The following MAP3K20 variants were observed in gnomAD, a reference collection of about 807,000 sequenced individuals.
MAP3K20 encodes the protein HCCS-4.
Under a neutral mutation model 85.7 loss-of-function variants are expected in MAP3K20, and 40 were observed. That is an observed-to-expected ratio of 0.47 (90% CI 0.36 to 0.61). The LOEUF is 0.61. Among genes scored for constraint, MAP3K20 ranks in the 20% least tolerant of loss-of-function variants. The pLI, the probability that MAP3K20 is intolerant of heterozygous loss-of-function variation, is 0.00. For synonymous variants in MAP3K20, 325 were observed against 327.7 expected, an observed-to-expected ratio of 0.99 and a Z score of 0.09; for missense variants, 817 against 961.7, an observed-to-expected ratio of 0.85 and a Z score of 1.99.
intron 7 of MAP3K20, among the ~76,000 whole-genome samples, chr2:173,192,130 CA>C (rs1690672207): frequency 6.6e-6 from 1 of 152,124 alleles, no homozygotes; most frequent in South Asian, 2.1e-4. Context: ...CCTAAAAGGG[CA>C]TTTTCATAGT....
rs977934348 is a variant in MAP3K20 at position 173,076,613 on chromosome 2, G to A, written c.-35+611G>A. 2.0e-5 allele frequency among the ~76,000 whole-genome samples: 3 copies of A among 152,374 alleles called. No homozygotes were observed. In the South Asian group the frequency reaches 6.2e-4, roughly 32 times the overall value. On this transcript the variant is annotated intron_variant, in intron 1 of 19. Coordinates refer to ENST00000375213, the MANE Select transcript of MAP3K20 (RefSeq NM_016653.3). Reference sequence around the variant, plus strand: ...AATTAGGCCATGCGAATAACCAGCAGGAACAATGAACACTAAAGATTAGTT... The same window carrying A: ...AATTAGGCCATGCGAATAACCAGCAAGAACAATGAACACTAAAGATTAGTT...
At chr2:173,220,834 A>G (rs1345768412) in intron 11 of MAP3K20, among the ~76,000 whole-genome samples, 2 of 152,220 alleles carry the variant, frequency 1.3e-5, no homozygotes, top group Non-Finnish European at 2.9e-5. Context: ...AAAAGTCAAG[A>G]TAAATCCTAG....
Position 173,184,333 on chromosome 2 carries a change from A to G in MAP3K20, c.349+1378A>G, listed in dbSNP as rs111606853. 6.5e-3 allele frequency among the ~76,000 whole-genome samples: 992 copies of G among 152,342 alleles called. 6 individuals are homozygous for G. Among genetic ancestry groups the G allele is most frequent in the Non-Finnish European group, 8.1e-3 (550 of 68,032 alleles). ...ACACACGTTTGCATTTAGGGTGCTC[A>G]GCCAGTTACACCCATGTTATTACTT... On this transcript the variant is annotated intron_variant, in intron 4 of 19. Coordinates refer to ENST00000375213, the MANE Select transcript of MAP3K20 (RefSeq NM_016653.3).
Position 173,091,052 on chromosome 2 carries a change from C to T in MAP3K20, c.21C>T (p.Ser7=). 1.2e-6 allele frequency: 2 copies of T among 1,613,640 alleles called. No individual in the cohort carries two copies. Among genetic ancestry groups the T allele is most frequent in the South Asian group, 2.2e-5 (2 of 91,028 alleles). MSSLGA[S]FVQIKFDDLQ... Reference sequence around the variant, plus strand: ...ATGAGATGTCGTCTCTCGGTGCCTCCTTTGTGCAAATTAAATTTGATGACT... The same window carrying T: ...ATGAGATGTCGTCTCTCGGTGCCTCTTTTGTGCAAATTAAATTTGATGACT... Residue 7 remains serine (S), a synonymous_variant, in exon 2 of 20, where the codon TCC becomes TCT. Coordinates refer to ENST00000375213, the MANE Select transcript of MAP3K20 (RefSeq NM_016653.3).
At position 173,258,549 on chromosome 2, in the gene MAP3K20, T is replaced by C. The variant is rs577721761; in HGVS notation, c.1360-150T>C. The C allele has an allele frequency of 2.2e-5, 13 of 583,918 alleles. No homozygotes were observed. The East Asian group carries it at 3.7e-4, about 17-fold the overall frequency. The allele number at this position is 583,918 out of a possible 1,614,324, so 36.2% of individuals were successfully genotyped here. A position where few individuals can be genotyped will look rare whatever the true frequency, so the allele number is the denominator to read the frequency against. On this transcript the variant is annotated intron_variant, in intron 16 of 19. Transcript: ENST00000375213. ...GCTTATTTAGATATACATAGGAATCTAATTTCATGTCCTTTTATTGAAAAA... is the reference window on the plus strand; with the variant it reads ...GCTTATTTAGATATACATAGGAATCCAATTTCATGTCCTTTTATTGAAAAA...
intron 10 of MAP3K20, chr2:173,210,631 C>A (rs1683859139): frequency 6.6e-6 from 1 of 151,836 alleles, no homozygotes; most frequent in Non-Finnish European, 1.5e-5. Context: ...AAGAGTAAAC[C>A]CAGGATGAAA....
chr2:173,259,667 G>C (rs1685240848), intron 17 of MAP3K20, among the ~76,000 whole-genome samples: 1 of 152,226 alleles, frequency 6.6e-6, no homozygotes, highest in Admixed American at 6.5e-5. Flanking sequence ...GTGCACATCA[G>C]AGTGCTAAAC....
chr2:173,208,987 ACC>A lies in MAP3K20; in HGVS notation c.745-741_745-740del, dbSNP rs1683784360. Among the ~76,000 whole-genome samples the A allele has an allele frequency of 2.0e-5, 3 of 152,246 alleles. No individual in the cohort carries two copies. In the South Asian group the frequency reaches 6.2e-4, roughly 31 times the overall value. On this transcript the variant is annotated intron_variant, in intron 9 of 19. Coordinates refer to ENST00000375213, the MANE Select transcript of MAP3K20 (RefSeq NM_016653.3). ...CCACTGCTCATTTCTAGTGAACAGT[ACC>A]TTACAGTGTCTTAGCACTAAAGCTA...
chr2:173,221,675 T>G, intron 11 of MAP3K20: 1 of 1,336,212 alleles, frequency 7.5e-7, no homozygotes, highest in Non-Finnish European at 9.6e-7. Flanking sequence ...CCGTAATTTC[T>G]TATCAATTCT....
At position 173,228,877 on chromosome 2, in the gene MAP3K20, A is replaced by G. The variant is rs376881642; in HGVS notation, c.988-812A>G. Among the ~76,000 whole-genome samples the G allele has an allele frequency of 2.0e-3, 312 of 152,358 alleles. 6 individuals carry two copies. In the South Asian group the frequency reaches 0.055, roughly 27 times the overall value. ...AACAGAAGATGAGTGACAATTTGCC[A>G]TATTATCTCATAAGCAATTCATTTT... is the stretch of plus-strand genomic sequence containing the variant. On this transcript the variant is annotated intron_variant, in intron 11 of 19. Transcript: ENST00000375213.
At chr2:173,159,490 A>T (rs189197056) in intron 2 of MAP3K20, among the ~76,000 whole-genome samples, 6 of 151,126 alleles carry the variant, frequency 4.0e-5, no homozygotes, top group Non-Finnish European at 2.9e-5. Flanking sequence ...CCTAGGTGCA[A>T]GTGATCCTCC....
chr2:173,167,569 A>T (rs1689870587), intron 2 of MAP3K20, among the ~76,000 whole-genome samples: 1 of 152,166 alleles, frequency 6.6e-6, no homozygotes, highest in Non-Finnish European at 1.5e-5. Context: ...AATGTCATTT[A>T]CTTGGAAATA....
Position 173,221,307 on chromosome 2 carries a change from G to C in MAP3K20, c.987+4057G>C, listed in dbSNP as rs200211102. Reference sequence around the variant, plus strand: ...AGTCTGCAGGCCATGATGCTGATGGGCTTTGGGGATATCTTCTCAATGAAC... The same window carrying C: ...AGTCTGCAGGCCATGATGCTGATGGCCTTTGGGGATATCTTCTCAATGAAC... On this transcript the variant is annotated intron_variant, in intron 11 of 19. Transcript: ENST00000375213. 2.5e-6 allele frequency: 4 copies of C among 1,614,024 alleles called. No individual in the cohort carries two copies. The East Asian group carries it at 8.9e-5, about 36-fold the overall frequency.
At chr2:173,133,489 A>T (rs1191512891) in intron 2 of MAP3K20, among the ~76,000 whole-genome samples, 1 of 152,160 alleles carries the variant, frequency 6.6e-6, no homozygotes, top group Non-Finnish European at 1.5e-5. Flanking sequence ...ATAAATTAAG[A>T]GATAGTTGAG....
intron 16 of MAP3K20, among the ~76,000 whole-genome samples, chr2:173,244,701 T>G (rs965086715): frequency 1.3e-5 from 2 of 152,230 alleles, no homozygotes; most frequent in Non-Finnish European, 2.9e-5. Context: ...TTATACCAGC[T>G]ATGCCAGCCT....
intron 2 of MAP3K20, among the ~76,000 whole-genome samples, chr2:173,100,519 A>G (rs999736127): frequency 6.6e-6 from 1 of 152,170 alleles, no homozygotes; most frequent in Non-Finnish European, 1.5e-5. Context: ...TCATCTAGGA[A>G]ATGTATCTTG....
chr2:173,242,750 A>T (rs543778376), intron 16 of MAP3K20, among the ~76,000 whole-genome samples: 9 of 123,406 alleles, frequency 7.3e-5, no homozygotes, highest in Non-Finnish European at 1.4e-4. Context: ...TCTGTTGCCC[A>T]GGCTGGAGTG....
At chr2:173,187,202 G>A (rs1279043472) in intron 4 of MAP3K20, among the ~76,000 whole-genome samples, 1 of 152,180 alleles carries the variant, frequency 6.6e-6, no homozygotes, top group African/African-American at 2.4e-5. Flanking sequence ...CAGAACTTTG[G>A]CAGATTTAGA....
chr2:173,236,884 G>A (rs1684664913), intron 14 of MAP3K20, among the ~76,000 whole-genome samples: 1 of 152,172 alleles, frequency 6.6e-6, no homozygotes, highest in Admixed American at 6.5e-5. Flanking sequence ...CACACAGCCT[G>A]ATGGTAAGAA....
Sources: gnomAD v4.1 joint callset for allele counts (sites outside exome capture counted in the v4.1 genomes callset) on GRCh38, gnomAD v4.1.1 for gene constraint, MANE v1.5 for transcripts, NCBI Gene and HGNC (gene_info 2026-07-23, HGNC 2026-07-21) for gene names.